Variants in CNTLN observed in about 807,000 individuals in gnomAD.
The protein encoded by CNTLN is centlein, centrosomal protein.
CNTLN carries 212 observed loss-of-function variants against 180.0 expected under a neutral mutation model. That is an observed-to-expected ratio of 1.18 (90% CI 1.05 to 1.32). The LOEUF (loss-of-function observed/expected upper bound fraction) is 1.32. CNTLN is among the 40% of genes most tolerant of loss of function. CNTLN has a pLI of 0.00. For missense variants in CNTLN, 2,095 were observed against 1,610.9 expected (o/e 1.30, Z -5.14); for synonymous variants, 722 against 563.1 (o/e 1.28, Z -3.99).
At chr9:17,256,802 C>T (rs1205894332) in intron 5 of CNTLN, among the ~76,000 whole-genome samples, 5 of 151,698 alleles carry the variant, frequency 3.3e-5, no homozygotes, top group Non-Finnish European at 7.4e-5. Context: ...TTTTCACTGG[C>T]CTGTTTCGAT....
chr9:17,386,989 A>C (rs1825731085), intron 13 of CNTLN, among the ~76,000 whole-genome samples: 1 of 152,214 alleles, frequency 6.6e-6, no homozygotes, highest in African/African-American at 2.4e-5. Flanking sequence ...GATTATTATC[A>C]AGGTAAAGGT....
chr9:17,340,311 C>T (rs1245625381), intron 10 of CNTLN, among the ~76,000 whole-genome samples: 1 of 152,112 alleles, frequency 6.6e-6, no homozygotes, highest in Non-Finnish European at 1.5e-5. Context: ...GAAGGTTAAA[C>T]TATGCTCCTT....
intron 2 of CNTLN, among the ~76,000 whole-genome samples, chr9:17,218,988 AAGTT>A (rs1358796742): frequency 2.6e-5 from 4 of 152,192 alleles, no homozygotes; most frequent in Non-Finnish European, 5.9e-5. Flanking sequence ...AAATGACTGA[AAGTT>A]AGCGTGGTAA....
chr9:17,464,767 T>C (rs1267480250), intron 21 of CNTLN, 144 bp downstream of exon 21: 1 of 472,624 alleles, frequency 2.1e-6, no homozygotes, highest in African/African-American at 2.1e-5. Context: ...CTCTTTGCTC[T>C]GAAAGTACAT....
At chr9:17,431,253 G>A (rs1045111689) in intron 18 of CNTLN, among the ~76,000 whole-genome samples, 2 of 151,892 alleles carry the variant, frequency 1.3e-5, no homozygotes, top group Admixed American at 6.6e-5. Flanking sequence ...TTTTGACTGG[G>A]GTGAGATGAT....
intron 8 of CNTLN, among the ~76,000 whole-genome samples, chr9:17,326,540 A>G (rs1431433393): frequency 6.6e-6 from 1 of 152,148 alleles, no homozygotes; most frequent in African/African-American, 2.4e-5. Flanking sequence ...TAATAGTTAT[A>G]TGTGTATATG....
chr9:17,226,393 G>T (rs1011698460), intron 3 of CNTLN, 106 bp downstream of exon 3: 2 of 543,072 alleles, frequency 3.7e-6, no homozygotes, highest in South Asian at 3.6e-5. Context: ...AGAATATCAG[G>T]GTCCTTATGT....
chr9:17,269,839 A>G (rs887536453), intron 5 of CNTLN, among the ~76,000 whole-genome samples: 2 of 152,104 alleles, frequency 1.3e-5, no homozygotes, highest in African/African-American at 4.8e-5. Flanking sequence ...CAATAAAGGG[A>G]ATATTGTAAT....
At chr9:17,323,262 G>A (rs1356059506) in intron 8 of CNTLN, among the ~76,000 whole-genome samples, 1 of 152,058 alleles carries the variant, frequency 6.6e-6, no homozygotes, top group Non-Finnish European at 1.5e-5. Context: ...CAACCCAAAG[G>A]TAGTCATACA....
Position 17,399,200 on chromosome 9 carries a change from C to T in CNTLN, c.2615+4131C>T, listed in dbSNP as rs565565280. Among the ~76,000 whole-genome samples, 8 of 152,288 alleles carry T rather than the reference C, an allele frequency of 5.3e-5. No homozygotes were observed. In the South Asian group the frequency reaches 1.7e-3, roughly 32 times the overall value. On this transcript the variant is annotated intron_variant, in intron 15 of 25. Coordinates refer to ENST00000380647, the MANE Select transcript of CNTLN (RefSeq NM_017738.4). Reference sequence around the variant, plus strand: ...CACCTCTTTGAGCTACTCACTTCCACGTAGTCCCATGTATTATATGTGTGA... The same window carrying T: ...CACCTCTTTGAGCTACTCACTTCCATGTAGTCCCATGTATTATATGTGTGA...
intron 12 of CNTLN, among the ~76,000 whole-genome samples, chr9:17,365,002 T>G (rs947807120): frequency 1.6e-4 from 24 of 152,176 alleles, no homozygotes; most frequent in African/African-American, 5.3e-4. Context: ...ATTCAGCAGA[T>G]TGTTTTCTCC....
At chr9:17,446,458 C>T (rs954278146) in intron 18 of CNTLN, among the ~76,000 whole-genome samples, 5 of 152,080 alleles carry the variant, frequency 3.3e-5, no homozygotes, top group African/African-American at 1.2e-4. Flanking sequence ...TGATCTTTAG[C>T]CTTTGACTCT....
chr9:17,161,494 G>A (rs1819674730), intron 2 of CNTLN, among the ~76,000 whole-genome samples: 3 of 152,048 alleles, frequency 2.0e-5, no homozygotes, highest in South Asian at 2.1e-4. Context: ...GTAACATGGA[G>A]TTTCATAGAA....
chr9:17,223,711 C>G (rs1460542737), intron 2 of CNTLN, among the ~76,000 whole-genome samples: 5 of 152,002 alleles, frequency 3.3e-5, no homozygotes, highest in Non-Finnish European at 7.4e-5. Flanking sequence ...CCCTTAAGGT[C>G]TGTCCTCAAC....
chr9:17,289,925 A>G (rs1829252374), intron 6 of CNTLN, among the ~76,000 whole-genome samples: 1 of 146,274 alleles, frequency 6.8e-6, no homozygotes, highest in South Asian at 2.3e-4. Context: ...TTTTTTTCAA[A>G]GTTTTCAACT....
At chr9:17,493,343 G>A (rs1026207449) in intron 25 of CNTLN, among the ~76,000 whole-genome samples, 2 of 152,012 alleles carry the variant, frequency 1.3e-5, no homozygotes, top group Non-Finnish European at 2.9e-5. Context: ...CAAAATATTG[G>A]GAGGCTCTTA....
chr9:17,194,749 T>TACCA (rs1822014615), intron 2 of CNTLN, among the ~76,000 whole-genome samples: 2 of 152,166 alleles, frequency 1.3e-5, no homozygotes, highest in Non-Finnish European at 2.9e-5. Context: ...ACTCTACTGG[T>TACCA]ACCAATATAC....
At chr9:17,264,587 A>G (rs201502620) in intron 5 of CNTLN, among the ~76,000 whole-genome samples, 34 of 99,976 alleles carry the variant, frequency 3.4e-4, no homozygotes, top group African/African-American at 1.3e-3. Flanking sequence ...GAAGAAAGTC[A>G]TTGGTAGCTT....
chr9:17,477,046 A>C (rs577197162), intron 23 of CNTLN, among the ~76,000 whole-genome samples: 2 of 152,286 alleles, frequency 1.3e-5, no homozygotes, highest in Admixed American at 1.3e-4. Flanking sequence ...ACATTCCAAA[A>C]ATCCTAGGAC....
Sources: gnomAD v4.1 joint callset for allele counts (sites outside exome capture counted in the v4.1 genomes callset) on GRCh38, gnomAD v4.1.1 for gene constraint, MANE v1.5 for transcripts, NCBI Gene and HGNC (gene_info 2026-07-23, HGNC 2026-07-21) for gene names.